PRSS55: variants seen among roughly 807,000 people sequenced by gnomAD.
PRSS55 encodes the protein probable serine protease UNQ9391/PRO34284.
In PRSS55, 41 loss-of-function variants were observed where a neutral mutation model predicts 23.6. That is an observed-to-expected ratio of 1.74 (90% confidence interval 1.35 to 2.26). The LOEUF (loss-of-function observed/expected upper bound fraction) is 2.26. Ranked by LOEUF, PRSS55 falls within the 30% of genes most tolerant of loss-of-function variation. The pLI, the probability that PRSS55 is intolerant of heterozygous loss-of-function variation, is 0.00. For missense variants in PRSS55, 669 were observed against 439.1 expected (o/e 1.52, Z -4.68); for synonymous variants, 262 against 175.5 (o/e 1.49, Z -3.90).
At chr8:10,540,226 C>T (rs10088572), downstream of PRSS55, 56,869 of 152,292 alleles carry the variant, frequency 0.37, 11,885 homozygotes, top group African/African-American at 0.58. Flanking sequence ...AGAAGTCCCT[C>T]GAGAACGTGT....
intron 4 of PRSS55, among the ~76,000 whole-genome samples, chr8:10,553,420 TAAAGAG>T (rs1336327582): frequency 6.6e-6 from 1 of 152,140 alleles, no homozygotes; most frequent in African/African-American, 2.4e-5. Flanking sequence ...AGATGAATGA[TAAAGAG>T]AATGTGATAT....
Position 10,525,906 on chromosome 8 carries a change from C to T in PRSS55, c.154+167C>T, listed in dbSNP as rs536179268. 1.4e-3 allele frequency among the ~76,000 whole-genome samples: 220 copies of T among 152,336 alleles called. 1 individual carries two copies. Among genetic ancestry groups the T allele is most frequent in the African/African-American group, 5.0e-3 (206 of 41,580 alleles). Reference sequence around the variant, plus strand: ...CTCTCTCCCCTGGCCCAGTGTTTGACTTGTCTAACCCTGAGTTTTGGTTTT... The same window carrying T: ...CTCTCTCCCCTGGCCCAGTGTTTGATTTGTCTAACCCTGAGTTTTGGTTTT... On this transcript the variant is annotated intron_variant, in intron 1 of 4. Coordinates refer to ENST00000328655, the MANE Select transcript of PRSS55 (RefSeq NM_198464.4).
At chr8:10,526,345 C>G (rs964980502) in intron 1 of PRSS55, among the ~76,000 whole-genome samples, 2 of 152,212 alleles carry the variant, frequency 1.3e-5, no homozygotes, top group African/African-American at 4.8e-5. Flanking sequence ...AAAGTTGCCC[C>G]AGGGGGAAAT....
intron 4 of PRSS55, 104 bp downstream of exon 4, chr8:10,533,152 G>A (rs777778091): frequency 1.6e-6 from 2 of 1,261,944 alleles, no homozygotes; most frequent in East Asian, 2.4e-5. Context: ...TCTGAGTCTG[G>A]AAAATGTATG....
chr8:10,537,929 C>T (rs1812512960), intron 4 of PRSS55, among the ~76,000 whole-genome samples: 1 of 152,138 alleles, frequency 6.6e-6, no homozygotes, highest in Non-Finnish European at 1.5e-5. Flanking sequence ...AGAAGCTCAA[C>T]ATAAATGGAT....
intron 4 of PRSS55, among the ~76,000 whole-genome samples, chr8:10,553,237 C>T (rs940833946): frequency 2.0e-5 from 3 of 152,222 alleles, no homozygotes; most frequent in African/African-American, 2.4e-5. Context: ...CATGCCTTTG[C>T]TTCACTCTCA....
At chr8:10,539,124 G>A (rs532330430), downstream of PRSS55, among the ~76,000 whole-genome samples, 31 of 151,880 alleles carry the variant, frequency 2.0e-4, no homozygotes, top group Non-Finnish European at 4.4e-4. Flanking sequence ...TGAGTCCAGG[G>A]GCTGAAAGGT....
intron 4 of PRSS55, among the ~76,000 whole-genome samples, chr8:10,546,587 G>A (rs537870876): frequency 6.6e-6 from 1 of 152,168 alleles, no homozygotes; most frequent in South Asian, 2.1e-4. Flanking sequence ...GGGCAGCCAC[G>A]GTGCTCCTGT....
rs1812264675 is a variant in PRSS55 at position 10,531,513 on chromosome 8, G to A, written c.566G>A (p.Cys189Tyr). The A allele has an allele frequency of 1.2e-6, 2 of 1,613,756 alleles. No individual in the cohort carries two copies. The highest frequency in any genetic ancestry group is 2.7e-5 in the African/African-American group (2 of 74,966). ...CCCGGCCCTGCCACATGGCGCGAAT[G>A]CTGGGTGGCAGGTTGGGGCCAGACC... is the stretch of plus-strand genomic sequence containing the variant. ...TQPGPATWRE[C>Y]WVAGWGQTNA... Residue 189 changes from cysteine (C) to tyrosine (Y), a missense_variant, in exon 3 of 5, where the codon TGC becomes TAC. By Grantham distance (194) the Cys-to-Tyr change is radical. Coordinates refer to ENST00000328655, the MANE Select transcript of PRSS55 (RefSeq NM_198464.4).
downstream of PRSS55, among the ~76,000 whole-genome samples, chr8:10,539,676 A>T (rs1341254288): frequency 6.6e-6 from 1 of 152,182 alleles, no homozygotes; most frequent in Non-Finnish European, 1.5e-5. Context: ...TGATGGTTTT[A>T]TAAGAGGTTT....
rs112308687 is a variant in PRSS55, at chr8:10,538,792, G to C, written c.1058G>C (p.Ter353SerextTer1). Residue 353 changes from the stop codon to serine, a stop_lost, in exon 5 of 5, where the codon TGA becomes TCA. Transcript: ENST00000328655. Reference protein sequence around the residue: ...SHVLFRAILY* With the variant: ...SHVLFRAILYS Reference sequence around the variant, plus strand: ...GTGTTGTTCAGAGCTATTTTGTACTGATAATAAAATAGAGGCTATTCTTTC... The same window carrying C: ...GTGTTGTTCAGAGCTATTTTGTACTCATAATAAAATAGAGGCTATTCTTTC... 8 of 1,550,930 alleles carry C rather than the reference G, an allele frequency of 5.2e-6. No individual in the cohort carries two copies. In the African/African-American group the frequency reaches 6.9e-5, roughly 13 times the overall value.
At chr8:10,535,506 G>T (rs1005708371) in intron 4 of PRSS55, among the ~76,000 whole-genome samples, 2 of 152,216 alleles carry the variant, frequency 1.3e-5, no homozygotes, top group Non-Finnish European at 2.9e-5. Context: ...GGGATAACTG[G>T]CTAGCCATAT....
chr8:10,529,761 C>A, intron 2 of PRSS55, 62 bp downstream of exon 2: 2 of 1,509,794 alleles, frequency 1.3e-6, no homozygotes, highest in African/African-American at 1.4e-5. Context: ...GCACCCTCCC[C>A]CTCACCCACA....
chr8:10,530,454 C>T (rs566229472), intron 2 of PRSS55, among the ~76,000 whole-genome samples: 4 of 152,312 alleles, frequency 2.6e-5, no homozygotes, highest in East Asian at 3.9e-4. Flanking sequence ...CCCGCCTGGG[C>T]GACAGAGCGA....
intron 3 of PRSS55, chr8:10,531,763 C>T (rs1812275870): frequency 5.0e-6 from 3 of 601,186 alleles, no homozygotes; most frequent in Non-Finnish European, 8.7e-6. Flanking sequence ...ATCCAGCTAG[C>T]ACAGAGCAGT....
In PRSS55 at chr8:10,538,599, G is replaced by A; in HGVS notation, c.865G>A (p.Val289Met). 1.2e-6 allele frequency: 2 copies of A among 1,614,132 alleles called. No homozygotes were observed. The highest frequency in any genetic ancestry group is 1.7e-5 in the Admixed American group (1 of 60,020). Residue 289 changes from valine to methionine, a missense_variant, in exon 5 of 5, where the codon GTG becomes ATG. Transcript: ENST00000328655. ...CACCCCAGGGATATACACCTCGTTG[G>A]TGAACTACAACCTCTGGATCGAGAA... ...KNTPGIYTSLVNYNLWIEKVT... is the reference protein window; with the variant it reads ...KNTPGIYTSLMNYNLWIEKVT...
chr8:10,550,803 G>GGT (rs987675058), intron 4 of PRSS55, among the ~76,000 whole-genome samples: 4 of 152,200 alleles, frequency 2.6e-5, no homozygotes, highest in South Asian at 2.1e-4. Flanking sequence ...AGACATGGCA[G>GGT]GTGTGTGTGT....
chr8:10,538,050 C>T (rs1046963413), intron 4 of PRSS55, among the ~76,000 whole-genome samples: 1 of 152,180 alleles, frequency 6.6e-6, no homozygotes, highest in Non-Finnish European at 1.5e-5. Context: ...TGCAAGAACA[C>T]AAAGGAGACC....
At chr8:10,541,765 T>G (rs1178778843), downstream of PRSS55, among the ~76,000 whole-genome samples, 1 of 152,154 alleles carries the variant, frequency 6.6e-6, no homozygotes, top group African/African-American at 2.4e-5. Context: ...GCTGTTTCAC[T>G]TTTCTTTTTT....
Sources: allele counts gnomAD v4.1 joint callset (sites outside exome capture counted in the v4.1 genomes callset), GRCh38; gene constraint gnomAD v4.1.1; transcripts MANE v1.5; gene names NCBI Gene and HGNC (gene_info 2026-07-23, HGNC 2026-07-21).